HECW2: variants seen among roughly 807,000 people sequenced by gnomAD.
HECW2 encodes HECT, C2 and WW domain containing E3 ubiquitin protein ligase 2, also known as E3 ubiquitin-protein ligase HECW2.
Under a neutral mutation model 175.2 loss-of-function variants are expected in HECW2, and 61 were observed. The observed-to-expected ratio is 0.35, with a 90% CI of 0.28 to 0.43. The LOEUF (loss-of-function observed/expected upper bound fraction) is 0.43, where lower values mean the gene tolerates loss of function less well. Among genes scored for constraint, HECW2 ranks in the 20% least tolerant of loss-of-function variants. The pLI, the probability that HECW2 is intolerant of heterozygous loss-of-function variation, is 1.00. For missense variants in HECW2, 1,524 were observed against 2,000.5 expected (o/e 0.76, Z 4.54); for synonymous variants, 671 against 731.0 (o/e 0.92, Z 1.32).
At chr2:196,345,323 A>G (rs1168072481) in intron 2 of HECW2, among the ~76,000 whole-genome samples, 1 of 152,204 alleles carries the variant, frequency 6.6e-6, no homozygotes, top group Non-Finnish European at 1.5e-5. Flanking sequence ...TACCTTGCCA[A>G]CTGAACCCCA....
intron 17 of HECW2, among the ~76,000 whole-genome samples, chr2:196,264,615 A>G (rs547585737): frequency 2.0e-5 from 3 of 152,358 alleles, no homozygotes; most frequent in African/African-American, 7.2e-5. Context: ...CTATGAAAAG[A>G]ACCTAAACTA....
At chr2:196,452,195 T>C (rs1372263488) in intron 1 of HECW2, among the ~76,000 whole-genome samples, 1 of 152,150 alleles carries the variant, frequency 6.6e-6, no homozygotes, top group Non-Finnish European at 1.5e-5. Flanking sequence ...GCTGCAAGTA[T>C]AAAATGCACA....
chr2:196,269,619 C>T (rs1004925496), intron 17 of HECW2: 4 of 150,586 alleles, frequency 2.7e-5, no homozygotes, highest in Non-Finnish European at 4.4e-5. Flanking sequence ...GTGCAAAATG[C>T]TATTCTAGAT....
Position 196,292,641 on chromosome 2 carries a change from C to T in HECW2, c.2924G>A (p.Gly975Glu). 1.2e-6 allele frequency: 2 copies of T among 1,614,156 alleles called. No homozygotes were observed. Among genetic ancestry groups the T allele is most frequent in the Non-Finnish European group, 1.7e-6 (2 of 1,180,012 alleles). Residue 975 changes from glycine to glutamate, a missense_variant, in exon 14 of 29, where the codon GGA (glycine) becomes GAA (glutamate). Physicochemically the swap from Gly to Glu is moderately conservative, Grantham distance 98. Transcript: ENST00000644978. ...ERYQHNRDLV[G>E]FLNMFANKQL... The stretch of plus-strand genomic sequence containing the variant: ...TTTGTTCGCGAACATGTTGAGGAAT[C>T]CCACAAGGTCGCGGTTATGCTGGTA...
intron 2 of HECW2, among the ~76,000 whole-genome samples, chr2:196,353,110 T>C (rs1156289295): frequency 2.0e-5 from 3 of 152,126 alleles, no homozygotes; most frequent in Non-Finnish European, 4.4e-5. Flanking sequence ...GCCTCGCTCC[T>C]TACCCCCTTC....
Position 196,455,021 on chromosome 2 carries a change from C to G in HECW2, c.-35-21563G>C, listed in dbSNP as rs568468285. Among the ~76,000 whole-genome samples the G allele has an allele frequency of 8.4e-4, 128 of 151,840 alleles. 7 individuals are homozygous for G. Among genetic ancestry groups the G allele is most frequent in the Admixed American group, 7.9e-4 (12 of 15,242 alleles). ...ATTTGATTATTTCTGGGATTGACCACAGACCCTTTTACTTAATTTTTTTTT... is the reference window on the plus strand; with the variant it reads ...ATTTGATTATTTCTGGGATTGACCAGAGACCCTTTTACTTAATTTTTTTTT... On this transcript the variant is annotated intron_variant, in intron 1 of 28. Transcript: ENST00000644978.
At position 196,265,869 on chromosome 2, in the gene HECW2, T is replaced by C. The variant is rs776359406; in HGVS notation, c.3335+5324A>G. 2.4e-4 allele frequency among the ~76,000 whole-genome samples: 37 copies of C among 152,084 alleles called. 1 individual carries two copies. Among genetic ancestry groups the C allele is most frequent in the Admixed American group, 1.6e-3 (24 of 15,268 alleles). ...CATTCGAAGTCACCTGGTGGGTAAA[T>C]TGCAGAGCCAGAATTCAAACCTAGG... On this transcript the variant is annotated intron_variant, in intron 17 of 28. Coordinates refer to ENST00000644978, the MANE Select transcript of HECW2 (RefSeq NM_001348768.2).
At chr2:196,388,363 G>A (rs1413838754) in intron 2 of HECW2, among the ~76,000 whole-genome samples, 2 of 152,002 alleles carry the variant, frequency 1.3e-5, no homozygotes, top group Non-Finnish European at 2.9e-5. Context: ...TTTTTTCATG[G>A]CTTTCTTTAG....
chr2:196,207,825 G>A (rs1687126466), intron 28 of HECW2, among the ~76,000 whole-genome samples: 1 of 152,176 alleles, frequency 6.6e-6, no homozygotes, highest in South Asian at 2.1e-4. Context: ...TGGTTAAGGT[G>A]CACTTGGATC....
At chr2:196,488,162 T>C (rs1410394685) in intron 1 of HECW2, among the ~76,000 whole-genome samples, 1 of 152,216 alleles carries the variant, frequency 6.6e-6, no homozygotes, top group African/African-American at 2.4e-5. Flanking sequence ...AGCTTGCTAA[T>C]ATTCTCCAAG....
chr2:196,255,689 T>C (rs546364703), intron 18 of HECW2, among the ~76,000 whole-genome samples: 4 of 152,330 alleles, frequency 2.6e-5, no homozygotes, highest in African/African-American at 9.6e-5. Context: ...AACATTAAAA[T>C]AGACACAAAG....
intron 14 of HECW2, 70 bp from the exon 15 acceptor site, chr2:196,278,732 T>G: frequency 6.4e-7 from 1 of 1,550,986 alleles, no homozygotes; most frequent in Non-Finnish European, 8.9e-7. Context: ...CATCAGACGG[T>G]CAGGAAAAGA....
In HECW2 at chr2:196,394,860, A is replaced by G. The variant is rs1694616462; in HGVS notation, c.292+38272T>C. 2.0e-5 allele frequency among the ~76,000 whole-genome samples: 3 copies of G among 152,132 alleles called. No homozygotes were observed. The South Asian group carries it at 6.2e-4, about 32-fold the overall frequency. The stretch of plus-strand genomic sequence containing the variant: ...GTGTTGCTATCAGAAAATATCATAA[A>G]CTGGGTAGCTTATAAACAATAAACC... On this transcript the variant is annotated intron_variant, in intron 2 of 28. Coordinates refer to ENST00000644978, the MANE Select transcript of HECW2 (RefSeq NM_001348768.2).
chr2:196,567,434 T>C (rs545397120), intron 1 of HECW2, among the ~76,000 whole-genome samples: 1 of 152,284 alleles, frequency 6.6e-6, no homozygotes, highest in South Asian at 2.1e-4. Context: ...ATATGAAGCG[T>C]TGGTTTGGCA....
In HECW2 at chr2:196,498,371, G is replaced by T. The variant is rs140685112; in HGVS notation, c.-35-64913C>A. Among the ~76,000 whole-genome samples, 555 of 152,060 alleles carry T rather than the reference G, an allele frequency of 3.6e-3. 6 individuals carry two copies. Among genetic ancestry groups the T allele is most frequent in the African/African-American group, 0.012 (513 of 41,474 alleles). On this transcript the variant is annotated intron_variant, in intron 1 of 28. Coordinates refer to ENST00000644978, the MANE Select transcript of HECW2 (RefSeq NM_001348768.2). ...CTTATTAATTAGAAATAGCCTAAAG[G>T]TCCCTTTTTTATTTTTATGTGCAGT...
At chr2:196,520,460 C>T (rs1359671845) in intron 1 of HECW2, among the ~76,000 whole-genome samples, 1 of 152,186 alleles carries the variant, frequency 6.6e-6, no homozygotes, top group Non-Finnish European at 1.5e-5. Context: ...ATGTAATGTG[C>T]ACCTTAAGAG....
At chr2:196,391,568 T>C (rs1344504487) in intron 2 of HECW2, among the ~76,000 whole-genome samples, 32 of 152,198 alleles carry the variant, frequency 2.1e-4, no homozygotes, top group Non-Finnish European at 5.9e-5. Context: ...TGTAACCCCA[T>C]AGTTTTTCTA....
chr2:196,434,223 G>A (rs909927096), intron 1 of HECW2, among the ~76,000 whole-genome samples: 22 of 152,118 alleles, frequency 1.4e-4, no homozygotes, highest in African/African-American at 4.8e-4. Flanking sequence ...GGTACATGTC[G>A]ATAAATATTT....
At chr2:196,449,486 G>A (rs763220093) in intron 1 of HECW2, among the ~76,000 whole-genome samples, 4 of 152,120 alleles carry the variant, frequency 2.6e-5, no homozygotes, top group Admixed American at 6.5e-5. Context: ...TAAAATTGCC[G>A]ATTTCTTTCT....
Sources: gnomAD v4.1 joint callset for allele counts (sites outside exome capture counted in the v4.1 genomes callset) on GRCh38, gnomAD v4.1.1 for gene constraint, MANE v1.5 for transcripts, NCBI Gene and HGNC (gene_info 2026-07-23, HGNC 2026-07-21) for gene names.